Variants in SMCHD1 observed in about 807,000 individuals in gnomAD.
SMCHD1 encodes the protein structural maintenance of chromosomes flexible hinge domain containing 1.
SMCHD1 carries 78 observed loss-of-function variants against 254.7 expected under a neutral mutation model. The observed-to-expected ratio is 0.31, with a 90% CI of 0.26 to 0.37. The LOEUF (loss-of-function observed/expected upper bound fraction) is 0.37. Ranked by LOEUF, SMCHD1 falls within the 10% of genes least tolerant of loss-of-function variation. The pLI, the probability that SMCHD1 is intolerant of heterozygous loss-of-function variation, is 1.00. For synonymous variants in SMCHD1, 766 were observed against 794.9 expected (o/e 0.96, Z 0.61); for missense variants, 1,840 against 2,408.1 (o/e 0.76, Z 4.94).
intron 1 of SMCHD1, among the ~76,000 whole-genome samples, chr18:2,662,793 T>C (rs771710045): frequency 2.0e-5 from 3 of 152,200 alleles, no homozygotes; most frequent in Non-Finnish European, 4.4e-5. Context: ...TTTGTCTCTG[T>C]TAAACAAATA....
At position 2,655,882 on chromosome 18, in the gene SMCHD1, C is replaced by A. The variant is rs1201439924; in HGVS notation, c.-194C>A. 5.3e-6 allele frequency: 2 copies of A among 376,372 alleles called. No homozygotes were observed. The highest frequency in any genetic ancestry group is 4.2e-5 in the African/African-American group (2 of 47,548). 23.3% of individuals were successfully genotyped at this position (376,372 alleles called of 1,614,324 possible). A position where few individuals can be genotyped will look rare whatever the true frequency, so the allele number is the denominator to read the frequency against. Reference sequence around the variant, plus strand: ...GTGACGTGGTGCACGGGCAGGAGCGCGTTTGAATCGGTTCCCGGGTGATCC... The same window carrying A: ...GTGACGTGGTGCACGGGCAGGAGCGAGTTTGAATCGGTTCCCGGGTGATCC... On this transcript the variant is annotated 5_prime_UTR_variant, in exon 1 of 48. Transcript: ENST00000320876.
intron 3 of SMCHD1, among the ~76,000 whole-genome samples, chr18:2,668,179 C>G (rs974748779): frequency 4.6e-5 from 7 of 152,156 alleles, no homozygotes; most frequent in Non-Finnish European, 1.0e-4. Flanking sequence ...CATGCCCGGT[C>G]TGAACAGTGT....
At chr18:2,676,590 G>A (rs2073754980) in intron 5 of SMCHD1, among the ~76,000 whole-genome samples, 2 of 152,140 alleles carry the variant, frequency 1.3e-5, no homozygotes, top group Non-Finnish European at 2.9e-5. Context: ...GGAGATGTGA[G>A]AATTTCAGTT....
intron 5 of SMCHD1, among the ~76,000 whole-genome samples, chr18:2,687,201 C>T (rs774394207): frequency 3.3e-5 from 5 of 152,168 alleles, no homozygotes; most frequent in Non-Finnish European, 5.9e-5. Flanking sequence ...TTTTTCACCA[C>T]ACCAGTAAAT....
intron 30 of SMCHD1, 102 bp downstream of exon 30, chr18:2,747,749 T>G: frequency 1.0e-6 from 1 of 989,094 alleles, no homozygotes; most frequent in Non-Finnish European, 1.4e-6. Context: ...AAAATATATT[T>G]TACATAATCT....
At chr18:2,659,855 A>G (rs1568060640) in intron 1 of SMCHD1, among the ~76,000 whole-genome samples, 1 of 151,900 alleles carries the variant, frequency 6.6e-6, no homozygotes, top group Non-Finnish European at 1.5e-5. Context: ...AAAGCTGACT[A>G]GTTTGCAGAG....
chr18:2,676,611 A>T (rs2073755277), intron 5 of SMCHD1, among the ~76,000 whole-genome samples: 1 of 152,176 alleles, frequency 6.6e-6, no homozygotes, highest in South Asian at 2.1e-4. Flanking sequence ...TGGAAATATT[A>T]TTTGTAACTC....
chr18:2,736,846 T>C (rs925063267), intron 25 of SMCHD1, among the ~76,000 whole-genome samples: 1 of 152,314 alleles, frequency 6.6e-6, no homozygotes, highest in African/African-American at 2.4e-5. Context: ...TTTGGAGATT[T>C]CTCAACCTTA....
rs755677576 is a variant in SMCHD1, at chr18:2,743,887, C to T, written c.3760C>T (p.Pro1254Ser). ...FIRVQLISGPPAKLLLIDWPE... is the reference protein window; with the variant it reads ...FIRVQLISGPSAKLLLIDWPE... ...TCGAGTGCAACTAATTTCTGGACCTCCTGCTAAACTTCTCCTTATAGACTG... is the reference window on the plus strand; with the variant it reads ...TCGAGTGCAACTAATTTCTGGACCTTCTGCTAAACTTCTCCTTATAGACTG... The change falls in exon 29 of 48, where the codon CCT becomes TCT. Residue 1254 changes from proline (P) to serine (S), a missense_variant. By Grantham distance (74) the Pro-to-Ser change is moderately conservative. Transcript: ENST00000320876. The T allele has an allele frequency of 6.2e-7, 1 of 1,613,122 alleles. No homozygotes were observed. The highest frequency in any genetic ancestry group is 8.5e-7 in the Non-Finnish European group (1 of 1,179,508).
intron 45 of SMCHD1, among the ~76,000 whole-genome samples, chr18:2,793,976 T>C (rs913831683): frequency 2.0e-5 from 3 of 152,206 alleles, no homozygotes; most frequent in Non-Finnish European, 4.4e-5. Flanking sequence ...TCCACAGTTT[T>C]ACTTATAAAC....
intron 3 of SMCHD1, among the ~76,000 whole-genome samples, chr18:2,668,568 T>C (rs2073502777): frequency 6.6e-6 from 1 of 152,164 alleles, no homozygotes; most frequent in Non-Finnish European, 1.5e-5. Flanking sequence ...GTTCTTTTTG[T>C]ACAAAAAAGC....
chr18:2,788,392 G>A (rs1049265162), intron 45 of SMCHD1, among the ~76,000 whole-genome samples: 1 of 152,110 alleles, frequency 6.6e-6, no homozygotes, highest in Non-Finnish European at 1.5e-5. Context: ...GTTCAAAAAG[G>A]TTAGATAGCT....
At chr18:2,742,669 G>T (rs1481279429) in intron 28 of SMCHD1, among the ~76,000 whole-genome samples, 3 of 152,030 alleles carry the variant, frequency 2.0e-5, no homozygotes, top group African/African-American at 4.8e-5. Flanking sequence ...TTTTCTCTCT[G>T]ATTTATTTAT....
At chr18:2,678,183 A>G (rs1449655574) in intron 5 of SMCHD1, among the ~76,000 whole-genome samples, 1 of 152,078 alleles carries the variant, frequency 6.6e-6, no homozygotes, top group Admixed American at 6.5e-5. Context: ...ATTTACAAAG[A>G]ATGCATTTAT....
chr18:2,732,213 T>TA (rs2075154654), intron 24 of SMCHD1, 52 bp from the exon 25 acceptor site: 1 of 1,415,382 alleles, frequency 7.1e-7, no homozygotes, highest in Non-Finnish European at 9.8e-7. Flanking sequence ...TTCAGGAGTG[T>TA]AAAATTTCAG....
At chr18:2,670,787 A>G (rs1182686964) in intron 3 of SMCHD1, among the ~76,000 whole-genome samples, 1 of 151,474 alleles carries the variant, frequency 6.6e-6, no homozygotes, top group Admixed American at 6.6e-5. Flanking sequence ...TGTAATTCCA[A>G]CTACTCGAGA....
intron 5 of SMCHD1, among the ~76,000 whole-genome samples, chr18:2,675,764 T>C (rs1273895916): frequency 6.6e-6 from 1 of 152,200 alleles, no homozygotes; most frequent in Non-Finnish European, 1.5e-5. Context: ...ACATCAGTTA[T>C]ATCAACTGGA....
At chr18:2,782,056 A>G (rs887352646) in intron 44 of SMCHD1, among the ~76,000 whole-genome samples, 1 of 152,256 alleles carries the variant, frequency 6.6e-6, no homozygotes, top group Non-Finnish European at 1.5e-5. Flanking sequence ...GTTCTTCATA[A>G]TTGATAATAG....
At chr18:2,679,370 G>A (rs1263392792) in intron 5 of SMCHD1, among the ~76,000 whole-genome samples, 2 of 149,400 alleles carry the variant, frequency 1.3e-5, no homozygotes, top group Non-Finnish European at 3.0e-5. Flanking sequence ...CAGCTACTCG[G>A]GAGGTTGAGG....
Sources: gnomAD v4.1 joint callset for allele counts (sites outside exome capture counted in the v4.1 genomes callset) on GRCh38, gnomAD v4.1.1 for gene constraint, MANE v1.5 for transcripts, NCBI Gene and HGNC (gene_info 2026-07-23, HGNC 2026-07-21) for gene names.